MYCBP2: variants seen among roughly 807,000 people sequenced by gnomAD.
The protein encoded by MYCBP2 is E3 ubiquitin-protein ligase MYCBP2.
MYCBP2 carries 120 observed loss-of-function variants against 525.3 expected under a neutral mutation model. That is an observed-to-expected ratio of 0.23 (90% confidence interval 0.20 to 0.27). The LOEUF (loss-of-function observed/expected upper bound fraction) is 0.27, where lower values mean the gene tolerates loss of function less well. Ranked by LOEUF, MYCBP2 falls within the 10% of genes least tolerant of loss-of-function variation. The pLI is 1.00. For synonymous variants in MYCBP2, 1,894 were observed against 1,955.8 expected (o/e 0.97, Z 0.83); for missense variants, 4,149 against 5,657.1 (o/e 0.73, Z 8.55).
At chr13:77,149,767 T>C (rs1009709491) in intron 47 of MYCBP2, among the ~76,000 whole-genome samples, 2 of 152,204 alleles carry the variant, frequency 1.3e-5, no homozygotes, top group Admixed American at 6.5e-5. Flanking sequence ...TTTCCTACCT[T>C]TCTTCTTTAC....
intron 23 of MYCBP2, among the ~76,000 whole-genome samples, chr13:77,209,748 C>T (rs774470089): frequency 3.1e-4 from 47 of 152,196 alleles, no homozygotes; most frequent in Non-Finnish European, 4.7e-4. Flanking sequence ...CTGGCCACTA[C>T]GCCTTCTCAT....
intron 11 of MYCBP2, among the ~76,000 whole-genome samples, chr13:77,261,818 A>G (rs1004172463): frequency 1.3e-5 from 2 of 152,224 alleles, no homozygotes; most frequent in East Asian, 1.9e-4. Context: ...CAAACCTTCA[A>G]TTTGTAAAAA....
rs371670683 is a variant in MYCBP2, at chr13:77,181,821, C to G, written c.4821G>C (p.Pro1607=). 7 of 1,613,992 alleles carry G rather than the reference C, an allele frequency of 4.3e-6. No homozygotes were observed. The highest frequency in any genetic ancestry group is 5.1e-6 in the Non-Finnish European group (6 of 1,179,944). Residue 1607 remains proline (P), a synonymous_variant, in exon 33 of 83, where the codon CCG becomes CCC. Transcript: ENST00000544440. ...HTSVKLTSIF[P]IAYDGEVLLR... ...GTAATACTTCTCCATCATACGCAATCGGGAAGATGGAAGTCAGCTTAACAG... is the reference window on the plus strand; with the variant it reads ...GTAATACTTCTCCATCATACGCAATGGGGAAGATGGAAGTCAGCTTAACAG...
At chr13:77,149,790 A>G (rs866082953) in intron 47 of MYCBP2, among the ~76,000 whole-genome samples, 4 of 152,146 alleles carry the variant, frequency 2.6e-5, no homozygotes, top group Non-Finnish European at 5.9e-5. Flanking sequence ...CACCTCCACT[A>G]GCTACCAGGT....
intron 8 of MYCBP2, among the ~76,000 whole-genome samples, chr13:77,267,639 A>C (rs543504292): frequency 2.2e-4 from 33 of 152,250 alleles, no homozygotes; most frequent in African/African-American, 7.5e-4. Flanking sequence ...ACAAATATTA[A>C]AACTTGTTAT....
Position 77,068,009 on chromosome 13 carries a change from C to A in MYCBP2, c.12172-145G>T, listed in dbSNP as rs148372975. ...GTGGAGCAACCACAGCTCACTGCAGCCTTGAACTCCTAGGCTCAAGGGATC... is the reference window on the plus strand; with the variant it reads ...GTGGAGCAACCACAGCTCACTGCAGACTTGAACTCCTAGGCTCAAGGGATC... On this transcript the variant is annotated intron_variant, in intron 70 of 82. Transcript: ENST00000544440. 3.8e-3 allele frequency: 2,784 copies of A among 735,360 alleles called. 57 individuals are homozygous for A. The African/African-American group carries it at 0.044, about 12-fold the overall frequency. 45.6% of individuals were successfully genotyped at this position (735,360 alleles called of 1,614,324 possible). A position where few individuals can be genotyped will look rare whatever the true frequency, so the allele number is the denominator to read the frequency against.
chr13:77,301,039 A>G (rs1426354561), intron 1 of MYCBP2, among the ~76,000 whole-genome samples: 1 of 152,176 alleles, frequency 6.6e-6, no homozygotes, highest in Non-Finnish European at 1.5e-5. Context: ...ACTGGAATCT[A>G]GAAAAGCTCT....
intron 1 of MYCBP2, among the ~76,000 whole-genome samples, chr13:77,323,512 T>C (rs1290058386): frequency 6.6e-6 from 1 of 152,202 alleles, no homozygotes; most frequent in Non-Finnish European, 1.5e-5. Flanking sequence ...AAAGAGACAT[T>C]TCCTGACCAT....
intron 54 of MYCBP2, among the ~76,000 whole-genome samples, chr13:77,122,339 T>C (rs759132121): frequency 1.5e-4 from 23 of 152,032 alleles, no homozygotes; most frequent in Non-Finnish European, 2.5e-4. Flanking sequence ...AAATAAAATA[T>C]CTCAAGTATA....
Position 77,169,652 on chromosome 13 carries a change from T to C in MYCBP2, c.5857A>G (p.Ile1953Val). 1.2e-6 allele frequency: 2 copies of C among 1,613,894 alleles called. No homozygotes were observed. Among genetic ancestry groups the C allele is most frequent in the Non-Finnish European group, 1.7e-6 (2 of 1,179,952 alleles). ...SLFSMLLPLI[I>V]AYIGPVAAAI... is the part of the protein sequence containing the mutation. ...GCAGCTACTGGTCCTATGTAGGCTA[T>C]AATAAGGGGGAGCAGCATGGAAAAC... The change falls in exon 39 of 83, where the codon ATA (isoleucine) becomes GTA (valine). Residue 1953 changes from isoleucine to valine, a missense_variant. Coordinates refer to ENST00000544440, the MANE Select transcript of MYCBP2 (RefSeq NM_015057.5).
At chr13:77,204,798 AC>A (rs1400073748) in intron 26 of MYCBP2, among the ~76,000 whole-genome samples, 1 of 132,960 alleles carries the variant, frequency 7.5e-6, no homozygotes, top group Non-Finnish European at 1.6e-5. Flanking sequence ...TATCGCAAGA[AC>A]AAAAAACCAA....
At chr13:77,060,619 C>T (rs1457246584) in intron 76 of MYCBP2, among the ~76,000 whole-genome samples, 1 of 152,168 alleles carries the variant, frequency 6.6e-6, no homozygotes, top group Non-Finnish European at 1.5e-5. Flanking sequence ...GATAAAAATA[C>T]ATTTAACATA....
At chr13:77,071,297 AC>A (rs2041226519) in intron 68 of MYCBP2, among the ~76,000 whole-genome samples, 1 of 152,010 alleles carries the variant, frequency 6.6e-6, no homozygotes, top group South Asian at 2.1e-4. Context: ...ACACACACAC[AC>A]ACACACACAC....
chr13:77,170,488 T>C (rs182510252), intron 38 of MYCBP2, among the ~76,000 whole-genome samples: 3 of 152,240 alleles, frequency 2.0e-5, no homozygotes, highest in Admixed American at 1.3e-4. Context: ...ATAAATCTAA[T>C]AGTCTTTATT....
intron 21 of MYCBP2, among the ~76,000 whole-genome samples, chr13:77,213,751 C>T (rs1207697787): frequency 6.6e-6 from 1 of 152,204 alleles, no homozygotes; most frequent in Non-Finnish European, 1.5e-5. Flanking sequence ...CAATGACTGT[C>T]TGACGTCAAA....
At chr13:77,261,626 C>G (rs1028434729) in intron 11 of MYCBP2, among the ~76,000 whole-genome samples, 1 of 151,920 alleles carries the variant, frequency 6.6e-6, no homozygotes, top group African/African-American at 2.4e-5. Context: ...AGGCACAATT[C>G]ACAGCACCCT....
At chr13:77,323,050 G>C (rs1447040256) in intron 1 of MYCBP2, among the ~76,000 whole-genome samples, 1 of 152,150 alleles carries the variant, frequency 6.6e-6, no homozygotes, top group African/African-American at 2.4e-5. Context: ...ACAAAAAACA[G>C]TAACTAATAT....
intron 18 of MYCBP2, among the ~76,000 whole-genome samples, chr13:77,231,904 T>C (rs1021397302): frequency 2.0e-5 from 3 of 152,242 alleles, no homozygotes; most frequent in Non-Finnish European, 4.4e-5. Flanking sequence ...TCTTTTCTTT[T>C]TGGAATCAGC....
At chr13:77,068,961 T>A in intron 69 of MYCBP2, 130 bp from the exon 70 acceptor site, 1 of 878,864 alleles carries the variant, frequency 1.1e-6, no homozygotes, top group Non-Finnish European at 1.7e-6. Flanking sequence ...ATTCTCCCAG[T>A]TAATTCTCCA....
Sources: gnomAD v4.1 joint callset for allele counts (sites outside exome capture counted in the v4.1 genomes callset) on GRCh38, gnomAD v4.1.1 for gene constraint, MANE v1.5 for transcripts, NCBI Gene and HGNC (gene_info 2026-07-23, HGNC 2026-07-21) for gene names.